The following SFMBT2 variants were observed in gnomAD, a reference collection of about 807,000 sequenced individuals.
SFMBT2 encodes Scm like with four mbt domains 2, also known as scm-like with four MBT domains protein 2.
In SFMBT2, 38 loss-of-function variants were observed where a neutral mutation model predicts 110.1. The ratio of observed to expected loss-of-function variants is 0.35; its 90% CI spans 0.27 to 0.45. SFMBT2 has a LOEUF of 0.45. SFMBT2 is among the 20% of genes least tolerant of loss of function. The probability of loss-of-function intolerance (pLI) is 1.00; values close to 1 mark genes in which losing one functional copy is unlikely to be tolerated. For synonymous variants in SFMBT2, 425 were observed against 425.4 expected (o/e 1.00, Z 0.01); for missense variants, 1,011 against 1,094.9 (o/e 0.92, Z 1.08).
intron 4 of SFMBT2, among the ~76,000 whole-genome samples, chr10:7,345,717 G>A (rs1464777244): frequency 6.6e-6 from 1 of 152,214 alleles, no homozygotes; most frequent in South Asian, 2.1e-4. Flanking sequence ...AAGAGTTGGA[G>A]TATCAACAAG....
At chr10:7,311,182 A>G (rs143040757) in intron 4 of SFMBT2, among the ~76,000 whole-genome samples, 2,467 of 152,224 alleles carry the variant, frequency 0.016, 24 homozygotes, top group Non-Finnish European at 0.024. Context: ...GTCCCATTAT[A>G]CAATCCATGT....
At chr10:7,250,230 T>A (rs1373211317) in intron 7 of SFMBT2, among the ~76,000 whole-genome samples, 1 of 152,192 alleles carries the variant, frequency 6.6e-6, no homozygotes, top group Non-Finnish European at 1.5e-5. Flanking sequence ...TTTCGACCCA[T>A]GACTCATTTC....
Position 7,367,363 on chromosome 10 carries a change from T to C in SFMBT2, c.436+286A>G, listed in dbSNP as rs1037256202. On this transcript the variant is annotated intron_variant, in intron 4 of 20. Coordinates refer to ENST00000397167, the MANE Select transcript of SFMBT2 (RefSeq NM_001387889.1). The surrounding 1 kb of genome is among the most constrained non-coding windows in gnomAD (Gnocchi z 6.2). ...TCTTACCCTCCAATTCCTGATGTCC[T>C]TTCAGCCTTCCTTTCTTACCCTCCA... Among the ~76,000 whole-genome samples the C allele has an allele frequency of 7.7e-5, 4 of 52,210 alleles. No individual in the cohort carries two copies. Among genetic ancestry groups the C allele is most frequent in the African/African-American group, 3.5e-4 (4 of 11,320 alleles). 34.3% of individuals were successfully genotyped at this position (52,210 alleles called of 152,430 possible). A position where few individuals can be genotyped will look rare whatever the true frequency, so the allele number is the denominator to read the frequency against.
At chr10:7,370,574 T>A (rs535132824) in intron 2 of SFMBT2, among the ~76,000 whole-genome samples, 199 bp from the exon 3 acceptor site, 1 of 152,312 alleles carries the variant, frequency 6.6e-6, no homozygotes, top group African/African-American at 2.4e-5. Flanking sequence ...CATGGGACAT[T>A]CCGCTTTGAC....
At chr10:7,220,595 G>A (rs1839695268) in intron 10 of SFMBT2, 58 bp from the exon 11 acceptor site, 1 of 1,598,300 alleles carries the variant, frequency 6.3e-7, no homozygotes, top group Non-Finnish European at 8.6e-7. Flanking sequence ...ACAAAGCTGG[G>A]CAGATGAAGA....
intron 16 of SFMBT2, among the ~76,000 whole-genome samples, chr10:7,183,924 G>T (rs2762611): frequency 2.6e-5 from 4 of 152,108 alleles, no homozygotes; most frequent in Admixed American, 6.5e-5. Flanking sequence ...TCGGTATGAG[G>T]GTTACACATG....
At chr10:7,345,749 C>G (rs1168148153) in intron 4 of SFMBT2, among the ~76,000 whole-genome samples, 1 of 152,208 alleles carries the variant, frequency 6.6e-6, no homozygotes, top group Non-Finnish European at 1.5e-5. Flanking sequence ...CAAATAGCCA[C>G]AAACACAGAA....
intron 1 of SFMBT2, among the ~76,000 whole-genome samples, chr10:7,390,897 C>T (rs1007943865): frequency 6.6e-6 from 1 of 151,864 alleles, no homozygotes; most frequent in Admixed American, 6.6e-5. Flanking sequence ...GTCAGGAGTT[C>T]GAGACTAGCC....
rs185659994 is a variant in SFMBT2, at chr10:7,172,664, G to A, written c.1985-3C>T. On this transcript the variant is annotated splice_region_variant and splice_polypyrimidine_tract_variant and intron_variant, in intron 17 of 20. Coordinates refer to ENST00000397167, the MANE Select transcript of SFMBT2 (RefSeq NM_001387889.1). This position sits in a 1 kb window ranked among gnomAD's most constrained non-coding sequence, Gnocchi z 4.6. ...CTTTCTCTTTCCATAGTAATAGGCTGTAGGAAGGAAGATGAGAAACTTTTG... is the reference window on the plus strand; with the variant it reads ...CTTTCTCTTTCCATAGTAATAGGCTATAGGAAGGAAGATGAGAAACTTTTG... The A allele has an allele frequency of 8.7e-4, 1,399 of 1,609,484 alleles. No individual in the cohort carries two copies. The highest frequency in any genetic ancestry group is 1.1e-3 in the Non-Finnish European group (1,317 of 1,177,298).
Position 7,276,940 on chromosome 10 carries a change from T to C in SFMBT2, c.822A>G (p.Lys274=). Residue 274 remains lysine, a synonymous_variant, in exon 7 of 21, where the codon AAA becomes AAG. Coordinates refer to ENST00000397167, the MANE Select transcript of SFMBT2 (RefSeq NM_001387889.1). ...MASEWKCTLE[K]SLIDAAKFPL... is the part of the protein sequence containing the mutation. ...GAAATTTGGCAGCATCAATAAGGGA[T>C]TTTTCCAGAGTACATTTCCATTCAG... is the stretch of plus-strand genomic sequence containing the variant. 1 of 872,846 alleles carries C rather than the reference T, an allele frequency of 1.1e-6. No individual in the cohort carries two copies. The highest frequency in any genetic ancestry group is 2.0e-6 in the Non-Finnish European group (1 of 501,636). 54.1% of individuals were successfully genotyped at this position (872,846 alleles called of 1,614,324 possible).
chr10:7,201,671 A>C (rs1217348542), intron 13 of SFMBT2, among the ~76,000 whole-genome samples: 1 of 152,202 alleles, frequency 6.6e-6, no homozygotes, highest in Non-Finnish European at 1.5e-5. Flanking sequence ...TTATTTACTT[A>C]AGAAAGCAGA....
chr10:7,297,167 C>G (rs1301621552), intron 4 of SFMBT2, among the ~76,000 whole-genome samples: 1 of 152,184 alleles, frequency 6.6e-6, no homozygotes, highest in East Asian at 1.9e-4. Flanking sequence ...AAAGGGAAAA[C>G]AGCAATGAAT....
rs368569171 is a variant in SFMBT2 at position 7,330,144 on chromosome 10, G to T, written c.436+37505C>A. On this transcript the variant is annotated intron_variant, in intron 4 of 20. Transcript: ENST00000397167. ...TTGTAAACGTTTTTTAGAGAAGGGG[G>T]ATCTCTTTATTATCCCCCTTACAAC... Among the ~76,000 whole-genome samples, 41 of 152,202 alleles carry T rather than the reference G, an allele frequency of 2.7e-4. No individual in the cohort carries two copies. The East Asian group carries it at 6.2e-3, about 23-fold the overall frequency.
chr10:7,171,547 A>G lies in SFMBT2; in HGVS notation c.2415+348T>C. ...AGGTGTCCTATAGAGGGGACGTGGGAGCAAGACACAGCGCAGTCAGGGGAG... is the reference window on the plus strand; with the variant it reads ...AGGTGTCCTATAGAGGGGACGTGGGGGCAAGACACAGCGCAGTCAGGGGAG... On this transcript the variant is annotated intron_variant, in intron 19 of 20. Transcript: ENST00000397167. This position sits in a 1 kb window ranked among gnomAD's most constrained non-coding sequence, Gnocchi z 4.9. The G allele has an allele frequency of 1.0e-6, 1 of 985,422 alleles. No homozygotes were observed. The highest frequency in any genetic ancestry group is 1.7e-5 in the African/African-American group (1 of 57,358). 61.0% of individuals were successfully genotyped at this position (985,422 alleles called of 1,614,324 possible). A position where few individuals can be genotyped will look rare whatever the true frequency, so the allele number is the denominator to read the frequency against.
intron 11 of SFMBT2, among the ~76,000 whole-genome samples, chr10:7,212,956 C>T (rs1588344537): frequency 6.6e-6 from 1 of 152,180 alleles, no homozygotes. Context: ...TGGAAACCAT[C>T]ATCCTCAGCA....
At chr10:7,190,700 A>G (rs1349035403) in intron 15 of SFMBT2, among the ~76,000 whole-genome samples, 1 of 152,218 alleles carries the variant, frequency 6.6e-6, no homozygotes, top group Non-Finnish European at 1.5e-5. Flanking sequence ...TGTGCTTTGC[A>G]AAACACTGGA....
At chr10:7,303,732 T>C (rs1437439264) in intron 4 of SFMBT2, among the ~76,000 whole-genome samples, 1 of 152,202 alleles carries the variant, frequency 6.6e-6, no homozygotes, top group Non-Finnish European at 1.5e-5. Context: ...TCAAAATTCT[T>C]ATTTCTTTAG....
chr10:7,299,991 A>T (rs1842512329), intron 4 of SFMBT2, among the ~76,000 whole-genome samples: 1 of 152,186 alleles, frequency 6.6e-6, no homozygotes, highest in Non-Finnish European at 1.5e-5. Flanking sequence ...CAGCCATGAA[A>T]AGGAATAAGA....
intron 4 of SFMBT2, among the ~76,000 whole-genome samples, chr10:7,313,542 T>C (rs967397937): frequency 6.6e-6 from 1 of 152,228 alleles, no homozygotes; most frequent in African/African-American, 2.4e-5. Context: ...GGTCTCCAAC[T>C]CCTGGGTTCA....
Sources: gnomAD v4.1 joint callset for allele counts (sites outside exome capture counted in the v4.1 genomes callset) on GRCh38, gnomAD v4.1.1 for gene constraint, Gnocchi (gnomAD v3.1) non-coding constraint, MANE v1.5 for transcripts, NCBI Gene and HGNC (gene_info 2026-07-23, HGNC 2026-07-21) for gene names.